Variants in TBXAS1 observed in about 807,000 individuals in gnomAD.
TBXAS1 encodes thromboxane-A synthase.
In TBXAS1, 48 loss-of-function variants were observed where a neutral mutation model predicts 60.7. The observed-to-expected ratio is 0.79, with a 90% confidence interval of 0.63 to 1.01. TBXAS1 has a LOEUF of 1.01. Among genes scored for constraint, TBXAS1 ranks in the 50% least tolerant of loss-of-function variants. The pLI, the probability that TBXAS1 is intolerant of heterozygous loss-of-function variation, is 0.00. For synonymous variants in TBXAS1, 287 were observed against 269.7 expected (o/e 1.06, Z -0.63); for missense variants, 685 against 686.3 (o/e 1.00, Z 0.02).
chr7:139,997,190 ACACTCTGCTAATCG>A (rs1358933965), intron 9 of TBXAS1, among the ~76,000 whole-genome samples: 1 of 152,048 alleles, frequency 6.6e-6, no homozygotes, highest in African/African-American at 2.4e-5. Context: ...CTCACCCCAC[ACACTCTGCTAATCG>A]GAGTAAATAG....
At chr7:139,802,042 G>A (rs907723100) in intron 4 of TBXAS1, among the ~76,000 whole-genome samples, 7 of 152,202 alleles carry the variant, frequency 4.6e-5, no homozygotes, top group Non-Finnish European at 1.0e-4. Flanking sequence ...GGGATTACAG[G>A]TGTGAGCCAC....
intron 3 of TBXAS1, among the ~76,000 whole-genome samples, chr7:139,905,035 C>CTTTCTTT (rs1804920197): frequency 1.2e-5 from 1 of 86,636 alleles, no homozygotes; most frequent in South Asian, 4.5e-4. Flanking sequence ...TTCTTTCTTT[C>CTTTCTTT]TTTCTTTCTT....
intron 1 of TBXAS1, among the ~76,000 whole-genome samples, chr7:139,854,779 C>T (rs1425914451): frequency 2.0e-5 from 3 of 152,164 alleles, no homozygotes; most frequent in East Asian, 3.9e-4. Context: ...GACAAGATAA[C>T]AAGCATGTGA....
chr7:139,856,671 G>A (rs1800605376), intron 1 of TBXAS1, among the ~76,000 whole-genome samples: 1 of 152,136 alleles, frequency 6.6e-6, no homozygotes. Context: ...GCCTTCATGG[G>A]TCCCATGTAG....
At chr7:139,875,668 T>G in intron 3 of TBXAS1, 31 bp downstream of exon 3, 1 of 1,613,088 alleles carries the variant, frequency 6.2e-7, no homozygotes, top group Non-Finnish European at 8.5e-7. Context: ...TTCTATTATG[T>G]ACGATATTTT....
chr7:139,905,642 G>C (rs1308393465), intron 3 of TBXAS1, among the ~76,000 whole-genome samples: 1 of 152,118 alleles, frequency 6.6e-6, no homozygotes, highest in Non-Finnish European at 1.5e-5. Flanking sequence ...GAATGAGTTA[G>C]GGAGGGTTCC....
At chr7:139,837,399 A>G (rs1799138151) in intron 1 of TBXAS1, among the ~76,000 whole-genome samples, 1 of 152,246 alleles carries the variant, frequency 6.6e-6, no homozygotes, top group South Asian at 2.1e-4. Flanking sequence ...TTGCAAAATC[A>G]TGGAACCAAC....
chr7:139,810,304 G>A (rs1797994113), intron 4 of TBXAS1, among the ~76,000 whole-genome samples: 1 of 152,104 alleles, frequency 6.6e-6, no homozygotes, highest in Admixed American at 6.6e-5. Flanking sequence ...TTCCAAAAGG[G>A]ATTACAGAGG....
chr7:139,806,545 G>A (rs901054041), intron 4 of TBXAS1, among the ~76,000 whole-genome samples: 1 of 152,114 alleles, frequency 6.6e-6, no homozygotes, highest in South Asian at 2.1e-4. Context: ...TTGCAGGCAT[G>A]AGCCACCGTG....
At chr7:139,974,615 T>C (rs1811438381) in intron 9 of TBXAS1, among the ~76,000 whole-genome samples, 1 of 152,178 alleles carries the variant, frequency 6.6e-6, no homozygotes, top group Non-Finnish European at 1.5e-5. Flanking sequence ...ATAGTAACAT[T>C]GTGTAGCTCA....
At chr7:139,863,846 A>G (rs147644085) in intron 1 of TBXAS1, among the ~76,000 whole-genome samples, 2 of 152,334 alleles carry the variant, frequency 1.3e-5, no homozygotes, top group African/African-American at 4.8e-5. Context: ...CTTTCAAAAG[A>G]TAAATAAAAT....
intron 3 of TBXAS1, among the ~76,000 whole-genome samples, chr7:139,785,732 A>C (rs1797170967): frequency 6.6e-6 from 1 of 152,000 alleles, no homozygotes; most frequent in African/African-American, 2.4e-5. Flanking sequence ...AACAACCTTC[A>C]TCACCTTAAC....
intron 1 of TBXAS1, among the ~76,000 whole-genome samples, chr7:139,868,475 A>G (rs1325814349): frequency 6.6e-6 from 1 of 151,214 alleles, no homozygotes; most frequent in Non-Finnish European, 1.5e-5. Context: ...TTATTTATTT[A>G]TTTATTTATT....
At position 140,015,879 on chromosome 7, in the gene TBXAS1, A is replaced by T. The variant is rs201229570; in HGVS notation, c.1364+19A>T. 3 of 1,613,436 alleles carry T rather than the reference A, an allele frequency of 1.9e-6. No homozygotes were observed. The highest frequency in any genetic ancestry group is 2.5e-6 in the Non-Finnish European group (3 of 1,180,030). On this transcript the variant is annotated intron_variant, in intron 11 of 12. Coordinates refer to ENST00000448866, the MANE Select transcript of TBXAS1 (RefSeq NM_001061.7). Reference sequence around the variant, plus strand: ...CTGAAAGGTGAGTACTGCCCCTTTTAAAAAGCTCTGAAGGGATGTGAGTGT... The same window carrying T: ...CTGAAAGGTGAGTACTGCCCCTTTTTAAAAGCTCTGAAGGGATGTGAGTGT...
intron 4 of TBXAS1, among the ~76,000 whole-genome samples, chr7:139,822,553 G>C (rs1273517835): frequency 6.6e-6 from 1 of 152,152 alleles, no homozygotes; most frequent in African/African-American, 2.4e-5. Context: ...GGCCGCAAGA[G>C]GCCTCGTGCT....
rs1265385065 is a variant in TBXAS1 at position 139,975,039 on chromosome 7, C to A, written c.1134+12806C>A. Among the ~76,000 whole-genome samples the A allele has an allele frequency of 6.6e-6, 1 of 152,184 alleles. No homozygotes were observed. Among genetic ancestry groups the A allele is most frequent in the East Asian group, 1.9e-4 (1 of 5,202 alleles). ...GCAAGTGTGAAGTCTGCAGGGCAGG[C>A]TGGCAGTTTGGACAACCAGGCAGGA... is the stretch of plus-strand genomic sequence containing the variant. On this transcript the variant is annotated intron_variant, in intron 9 of 12. Transcript: ENST00000448866. This position sits in a 1 kb window ranked among gnomAD's most constrained non-coding sequence, Gnocchi z 4.4.
intron 1 of TBXAS1, among the ~76,000 whole-genome samples, chr7:139,863,623 AAAGAACTACTTAGAGG>A (rs1210787997): frequency 6.6e-6 from 1 of 152,242 alleles, no homozygotes; most frequent in East Asian, 1.9e-4. Context: ...GAATGCAGAT[AAAGAACTACTTAGAGG>A]AAGATTTATA....
chr7:139,834,489 A>T (rs1798929008), intron 1 of TBXAS1, among the ~76,000 whole-genome samples: 1 of 152,202 alleles, frequency 6.6e-6, no homozygotes. Context: ...TGAAATTGAA[A>T]CACATACACA....
At chr7:139,826,849 C>T (rs1261334411), upstream of TBXAS1, among the ~76,000 whole-genome samples, 1 of 152,170 alleles carries the variant, frequency 6.6e-6, no homozygotes, top group South Asian at 2.1e-4. Context: ...CAGATGTCTC[C>T]AGGGCATCTC....
Sources: gnomAD v4.1 joint callset for allele counts (sites outside exome capture counted in the v4.1 genomes callset) on GRCh38, gnomAD v4.1.1 for gene constraint, Gnocchi (gnomAD v3.1) non-coding constraint, MANE v1.5 for transcripts, NCBI Gene and HGNC (gene_info 2026-07-23, HGNC 2026-07-21) for gene names.